The following ACSL3 variants were observed in gnomAD, a reference collection of about 807,000 sequenced individuals.
ACSL3 encodes the protein fatty acid CoA ligase Acsl3.
A neutral mutation model predicts 84.7 loss-of-function variants in ACSL3; 34 were observed. The observed-to-expected ratio is 0.40, with a 90% confidence interval of 0.31 to 0.53. The LOEUF is 0.53. Ranked by LOEUF, ACSL3 falls within the 20% of genes least tolerant of loss-of-function variation. The probability of loss-of-function intolerance (pLI) is 0.48; values close to 1 mark genes in which losing one functional copy is unlikely to be tolerated. For missense variants in ACSL3, 680 were observed against 873.1 expected (o/e 0.78, Z 2.79); for synonymous variants, 315 against 299.4 (o/e 1.05, Z -0.54).
intron 1 of ACSL3, among the ~76,000 whole-genome samples, chr2:222,877,965 A>G (rs529370434): frequency 6.6e-6 from 1 of 152,326 alleles, no homozygotes; most frequent in Admixed American, 6.5e-5. Flanking sequence ...TAAGTCAAGA[A>G]CATAATGTGT....
At chr2:222,921,880 G>A (rs960772054) in intron 8 of ACSL3, among the ~76,000 whole-genome samples, 1 of 152,112 alleles carries the variant, frequency 6.6e-6, no homozygotes, top group African/African-American at 2.4e-5. Flanking sequence ...GAAACCAGAT[G>A]GAAGTTTGAG....
chr2:222,877,446 T>G (rs1282679708), intron 1 of ACSL3, among the ~76,000 whole-genome samples: 1 of 152,210 alleles, frequency 6.6e-6, no homozygotes, highest in Non-Finnish European at 1.5e-5. Context: ...ACTTTGGTAT[T>G]GAGAATGAAA....
At chr2:222,876,787 A>G (rs6718223) in intron 1 of ACSL3, among the ~76,000 whole-genome samples, 14,935 of 152,226 alleles carry the variant, frequency 0.098, 813 homozygotes, top group Non-Finnish European at 0.12. Flanking sequence ...AGAAGCTCAC[A>G]GTCTGTTGTG....
Position 222,908,769 on chromosome 2 carries a change from A to G in ACSL3, c.-4A>G. The G allele has an allele frequency of 3.2e-6, 5 of 1,576,658 alleles. No individual in the cohort carries two copies. Among genetic ancestry groups the G allele is most frequent in the Non-Finnish European group, 1.7e-6 (2 of 1,170,392 alleles). On this transcript the variant is annotated 5_prime_UTR_variant, in exon 4 of 17. Coordinates refer to ENST00000357430, the MANE Select transcript of ACSL3 (RefSeq NM_004457.5). ...AGTCTGTTAATTCTACTTTTTGAGT[A>G]CTTATGAATAACCACGTGTCTTCAA...
At chr2:222,892,993 C>T (rs1695879270) in intron 2 of ACSL3, among the ~76,000 whole-genome samples, 1 of 152,072 alleles carries the variant, frequency 6.6e-6, no homozygotes, top group Non-Finnish European at 1.5e-5. Context: ...CTCATTTATA[C>T]TTCATTAGAG....
In ACSL3 at chr2:222,934,690, G is replaced by A; in HGVS notation, c.2005+3G>A. 6.2e-7 allele frequency: 1 copy of A among 1,606,886 alleles called. No homozygotes were observed. Among genetic ancestry groups the A allele is most frequent in the Non-Finnish European group, 8.5e-7 (1 of 1,177,700 alleles). ...GCTTTCCGAAGCTGCTATTTCAGGT[G>A]AGTATTCGGTTAAACTGATACTAAA... is the stretch of plus-strand genomic sequence containing the variant. On this transcript the variant is annotated splice_donor_region_variant and intron_variant, in intron 16 of 16. Coordinates refer to ENST00000357430, the MANE Select transcript of ACSL3 (RefSeq NM_004457.5).
intron 11 of ACSL3, among the ~76,000 whole-genome samples, 158 bp from the exon 12 acceptor site, chr2:222,926,859 C>T (rs894217615): frequency 3.3e-5 from 5 of 152,116 alleles, no homozygotes; most frequent in Non-Finnish European, 7.4e-5. Context: ...AAAAAATTAA[C>T]ATTTGGGGCT....
At chr2:222,906,447 T>A (rs1441664538) in intron 3 of ACSL3, among the ~76,000 whole-genome samples, 1 of 152,214 alleles carries the variant, frequency 6.6e-6, no homozygotes, top group Non-Finnish European at 1.5e-5. Context: ...CCACTTGTGA[T>A]CCAGTTAAAT....
chr2:222,936,318 A>T lies in ACSL3; in HGVS notation c.2005+1631A>T, dbSNP rs1250370225. 2.0e-5 allele frequency among the ~76,000 whole-genome samples: 3 copies of T among 152,022 alleles called. No individual in the cohort carries two copies. In the South Asian group the frequency reaches 6.2e-4, roughly 32 times the overall value. ...ATGGCAATTATTAATACTATATTTA[A>T]TTTTTTCAGGAAACTCCATACTGTG... On this transcript the variant is annotated intron_variant, in intron 16 of 16. Coordinates refer to ENST00000357430, the MANE Select transcript of ACSL3 (RefSeq NM_004457.5).
intron 12 of ACSL3, 71 bp downstream of exon 12, chr2:222,927,260 C>A: frequency 6.6e-7 from 1 of 1,517,726 alleles, no homozygotes; most frequent in Non-Finnish European, 9.0e-7. Flanking sequence ...ATATTTTCTG[C>A]AAATATATAG....
At chr2:222,914,343 A>G (rs1696522228) in intron 4 of ACSL3, among the ~76,000 whole-genome samples, 2 of 151,480 alleles carry the variant, frequency 1.3e-5, no homozygotes, top group South Asian at 4.2e-4. Context: ...AGCTCTCTGC[A>G]GCCTTGAGTT....
intron 11 of ACSL3, among the ~76,000 whole-genome samples, chr2:222,925,030 CAAAAA>C (rs55727337): frequency 7.3e-6 from 1 of 137,258 alleles, no homozygotes; most frequent in Non-Finnish European, 1.6e-5. Flanking sequence ...GAATCCGTCT[CAAAAA>C]AAAAAAAAAA....
chr2:222,927,266 T>C (rs779528212), intron 12 of ACSL3, 77 bp downstream of exon 12: 78 of 1,485,356 alleles, frequency 5.3e-5, no homozygotes, highest in Non-Finnish European at 6.7e-5. Context: ...TCTGCAAATA[T>C]ATAGGAGAAG....
At chr2:222,873,615 T>C (rs916690665) in intron 1 of ACSL3, among the ~76,000 whole-genome samples, 2 of 152,238 alleles carry the variant, frequency 1.3e-5, no homozygotes, top group Non-Finnish European at 2.9e-5. Context: ...TGATACCTGT[T>C]TGTGTGTATG....
intron 7 of ACSL3, 134 bp from the exon 8 acceptor site, chr2:222,921,146 T>G: frequency 3.2e-6 from 3 of 951,744 alleles, no homozygotes; most frequent in Non-Finnish European, 5.0e-6. Context: ...GATCTCAGTA[T>G]AACTAATATT....
intron 1 of ACSL3, among the ~76,000 whole-genome samples, chr2:222,875,765 C>T (rs964553755): frequency 6.6e-6 from 1 of 152,174 alleles, no homozygotes; most frequent in Non-Finnish European, 1.5e-5. Flanking sequence ...CCCCTCCTCC[C>T]CTCCCCTTTT....
intron 6 of ACSL3, 63 bp downstream of exon 6, chr2:222,918,218 A>G (rs1696638166): frequency 9.9e-7 from 1 of 1,011,560 alleles, no homozygotes; most frequent in East Asian, 2.5e-5. Flanking sequence ...CATGAGCCCT[A>G]TTATTGATAC....
intron 4 of ACSL3, among the ~76,000 whole-genome samples, chr2:222,911,069 G>C (rs1357646325): frequency 7.1e-6 from 1 of 140,220 alleles, no homozygotes; most frequent in South Asian, 2.2e-4. Flanking sequence ...TTTTTTTTGA[G>C]ATGGAGTTTC....
chr2:222,942,902 G>C lies in ACSL3; in HGVS notation c.*1248G>C. The C allele has an allele frequency of 7.8e-6, 1 of 127,760 alleles. No individual in the cohort carries two copies. Among genetic ancestry groups the C allele is most frequent in the Non-Finnish European group, 1.3e-5 (1 of 77,020 alleles). 7.9% of individuals were successfully genotyped at this position (127,760 alleles called of 1,614,324 possible). On this transcript the variant is annotated 3_prime_UTR_variant, in exon 17 of 17. Transcript: ENST00000357430. ...TATTTGTAATTCAGAAACCTTGCTT[G>C]TGTGATACATAGTCTCTTCATTTAT... is the stretch of plus-strand genomic sequence containing the variant.
Sources: allele counts gnomAD v4.1 joint callset (sites outside exome capture counted in the v4.1 genomes callset), GRCh38; gene constraint gnomAD v4.1.1; transcripts MANE v1.5; gene names NCBI Gene and HGNC (gene_info 2026-07-23, HGNC 2026-07-21).